Variants in ANKRD45 observed in about 807,000 individuals in gnomAD.
ANKRD45 encodes the protein ankyrin repeat domain-containing protein 45.
In ANKRD45, 21 loss-of-function variants were observed where a neutral mutation model predicts 28.1. The ratio of observed to expected loss-of-function variants is 0.75; its 90% CI spans 0.53 to 1.08. The LOEUF (loss-of-function observed/expected upper bound fraction) is 1.08. ANKRD45 is among the 50% of genes least tolerant of loss of function. The pLI is 0.00. For missense variants in ANKRD45, 261 were observed against 308.7 expected, an observed-to-expected ratio of 0.85 and a Z score of 1.16; for synonymous variants, 86 against 103.9, an observed-to-expected ratio of 0.83 and a Z score of 1.05.
At chr1:173,621,198 T>A (rs1202798664) in intron 5 of ANKRD45, among the ~76,000 whole-genome samples, 1 of 152,160 alleles carries the variant, frequency 6.6e-6, no homozygotes, top group African/African-American at 2.4e-5. Flanking sequence ...CAGGACCAGA[T>A]GGATTTACAG....
At chr1:173,628,310 T>C (rs188437101) in intron 3 of ANKRD45, among the ~76,000 whole-genome samples, 2 of 151,990 alleles carry the variant, frequency 1.3e-5, no homozygotes, top group East Asian at 3.9e-4. Context: ...CACAGTGGTG[T>C]AGCACACCAA....
At chr1:173,647,859 C>T (rs1442491712) in intron 2 of ANKRD45, among the ~76,000 whole-genome samples, 3 of 152,192 alleles carry the variant, frequency 2.0e-5, no homozygotes, top group Non-Finnish European at 2.9e-5. Flanking sequence ...GAATAGCTCA[C>T]TGCAGCCTCG....
intron 5 of ANKRD45, among the ~76,000 whole-genome samples, chr1:173,623,216 G>C (rs915674806): frequency 6.6e-6 from 1 of 151,970 alleles, no homozygotes; most frequent in East Asian, 1.9e-4. Context: ...AGGAGGCTGA[G>C]GCAAGAGAAT....
intron 3 of ANKRD45, among the ~76,000 whole-genome samples, chr1:173,630,201 A>C (rs936552038): frequency 6.6e-6 from 1 of 152,222 alleles, no homozygotes; most frequent in Non-Finnish European, 1.5e-5. Flanking sequence ...TTAATGAGCC[A>C]TAAGAAATCA....
intron 2 of ANKRD45, among the ~76,000 whole-genome samples, chr1:173,652,364 T>A (rs1669271382): frequency 6.6e-6 from 1 of 152,212 alleles, no homozygotes; most frequent in Non-Finnish European, 1.5e-5. Context: ...CATGTGTTTT[T>A]TTGTCATTGG....
intron 3 of ANKRD45, among the ~76,000 whole-genome samples, chr1:173,641,919 A>C (rs1368613797): frequency 6.6e-6 from 1 of 152,228 alleles, no homozygotes; most frequent in East Asian, 1.9e-4. Context: ...TTCATAAATT[A>C]TACTAGGGAC....
At chr1:173,638,198 G>A (rs1458421715) in intron 3 of ANKRD45, among the ~76,000 whole-genome samples, 3 of 152,102 alleles carry the variant, frequency 2.0e-5, no homozygotes, top group African/African-American at 7.2e-5. Flanking sequence ...GGAAAAGGAG[G>A]AAGGTTAACC....
At position 173,636,134 on chromosome 1, in the gene ANKRD45, G is replaced by A. The variant is rs919075685; in HGVS notation, c.497-8975C>T. 3.9e-4 allele frequency among the ~76,000 whole-genome samples: 59 copies of A among 152,088 alleles called. 1 individual carries two copies. Among genetic ancestry groups the A allele is most frequent in the Non-Finnish European group, 1.0e-4 (7 of 67,978 alleles). On this transcript the variant is annotated intron_variant, in intron 3 of 5. Transcript: ENST00000333279. Reference sequence around the variant, plus strand: ...ATGAGGAGAATGTATGGAAAATCAAGTTATCTGTCTGGGTCCTTAGGTAAG... The same window carrying A: ...ATGAGGAGAATGTATGGAAAATCAAATTATCTGTCTGGGTCCTTAGGTAAG...
At chr1:173,646,595 T>C (rs1413957759) in intron 3 of ANKRD45, among the ~76,000 whole-genome samples, 2 of 152,196 alleles carry the variant, frequency 1.3e-5, no homozygotes, top group Admixed American at 6.5e-5. Flanking sequence ...TATTTTCTCA[T>C]AGACAATTAT....
intron 5 of ANKRD45, among the ~76,000 whole-genome samples, chr1:173,619,588 G>A (rs1451863765): frequency 1.3e-5 from 2 of 152,190 alleles, no homozygotes; most frequent in Admixed American, 1.3e-4. Flanking sequence ...AGTACTTTGA[G>A]AGGCCAACAT....
intron 2 of ANKRD45, among the ~76,000 whole-genome samples, chr1:173,647,638 T>A (rs1213320447): frequency 6.6e-6 from 1 of 152,140 alleles, no homozygotes; most frequent in Admixed American, 6.5e-5. Flanking sequence ...TAAAGATCAC[T>A]GTTTGAACTT....
At chr1:173,634,717 AT>A (rs1408364232) in intron 3 of ANKRD45, among the ~76,000 whole-genome samples, 3 of 152,042 alleles carry the variant, frequency 2.0e-5, no homozygotes, top group Admixed American at 2.0e-4. Flanking sequence ...AGAACTATTT[AT>A]TTTTTATAAT....
chr1:173,628,708 T>C lies in ANKRD45; in HGVS notation c.497-1549A>G, dbSNP rs538312873. 7.6e-4 allele frequency among the ~76,000 whole-genome samples: 116 copies of C among 152,306 alleles called. 1 individual carries two copies. In the South Asian group the frequency reaches 8.1e-3, roughly 11 times the overall value. ...AGACCCACCCAGAGCCTGGGGGAAC[T>C]TGTTGCCTTTACGGAAGGACGCATG... On this transcript the variant is annotated intron_variant, in intron 3 of 5. Coordinates refer to ENST00000333279, the MANE Select transcript of ANKRD45 (RefSeq NM_198493.3).
chr1:173,701,311 A>G, the ANKRD45 span, among the ~76,000 whole-genome samples: 2 of 152,236 alleles, frequency 1.3e-5, no homozygotes, highest in Non-Finnish European at 2.9e-5. Context: ...CAGGGATCCC[A>G]TTACTGGGTA....
intron 2 of ANKRD45, chr1:173,658,391 T>C (rs941927768): frequency 2.0e-5 from 3 of 152,288 alleles, no homozygotes; most frequent in Non-Finnish European, 4.4e-5. Context: ...GTTACCTTTT[T>C]GTTACTACTT....
chr1:173,668,445 G>C (rs1464122049), intron 1 of ANKRD45, among the ~76,000 whole-genome samples: 1 of 152,106 alleles, frequency 6.6e-6, no homozygotes, highest in African/African-American at 2.4e-5. Context: ...TTAAAACCAA[G>C]AAAGCCATAG....
At chr1:173,644,325 T>C (rs988300919) in intron 3 of ANKRD45, among the ~76,000 whole-genome samples, 3 of 152,256 alleles carry the variant, frequency 2.0e-5, no homozygotes, top group Non-Finnish European at 2.9e-5. Context: ...AACTCCATTC[T>C]GAATAAGACT....
chr1:173,678,475 T>C, the ANKRD45 span, among the ~76,000 whole-genome samples: 2 of 152,076 alleles, frequency 1.3e-5, no homozygotes, highest in Non-Finnish European at 2.9e-5. Context: ...CATGATTATC[T>C]CAATAGAGAT....
rs1667069459 is a variant in ANKRD45, at chr1:173,609,894, A to G, written c.*251T>C. 2.3e-6 allele frequency: 1 copy of G among 432,684 alleles called. No homozygotes were observed. Among genetic ancestry groups the G allele is most frequent in the East Asian group, 3.7e-5 (1 of 26,852 alleles). 26.8% of individuals were successfully genotyped at this position (432,684 alleles called of 1,614,324 possible). A position where few individuals can be genotyped will look rare whatever the true frequency, so the allele number is the denominator to read the frequency against. On this transcript the variant is annotated 3_prime_UTR_variant, in exon 6 of 6. Coordinates refer to ENST00000333279, the MANE Select transcript of ANKRD45 (RefSeq NM_198493.3). ...TTCTTAAAGCCTCCACATGGTCTTC[A>G]CGAATGATTTATACCCAAGTGCTTT...
Sources: allele counts gnomAD v4.1 joint callset (sites outside exome capture counted in the v4.1 genomes callset), GRCh38; gene constraint gnomAD v4.1.1; transcripts MANE v1.5; gene names NCBI Gene and HGNC (gene_info 2026-07-23, HGNC 2026-07-21).